The following SOX5 variants were observed in gnomAD, a reference collection of about 807,000 sequenced individuals.
SOX5 encodes the protein transcription factor SOX-5.
In SOX5, 9 loss-of-function variants were observed where a neutral mutation model predicts 92.0. That is an observed-to-expected ratio of 0.10 (90% CI 0.06 to 0.17). The LOEUF is 0.17. SOX5 is among the 10% of genes least tolerant of loss of function. The pLI is 1.00. For missense variants in SOX5, 642 were observed against 944.5 expected (o/e 0.68, Z 4.20); for synonymous variants, 344 against 336.3 (o/e 1.02, Z -0.25).
chr12:23,556,814 C>G (rs1255818128), intron 11 of SOX5, among the ~76,000 whole-genome samples: 1 of 152,194 alleles, frequency 6.6e-6, no homozygotes, highest in Non-Finnish European at 1.5e-5. Context: ...CACAGCCCTT[C>G]TCCTTATCTA....
chr12:24,119,324 T>C (rs1404344874), intron 4 of SOX5, among the ~76,000 whole-genome samples: 1 of 152,128 alleles, frequency 6.6e-6, no homozygotes, highest in Non-Finnish European at 1.5e-5. Context: ...TCATTAGCAC[T>C]ATTCTCACCA....
At chr12:24,111,977 A>G (rs1593263177) in intron 4 of SOX5, among the ~76,000 whole-genome samples, 1 of 152,340 alleles carries the variant, frequency 6.6e-6, no homozygotes, top group African/African-American at 2.4e-5. Context: ...TGGTGACAGA[A>G]TAACAGTGGT....
At chr12:24,276,997 G>A (rs1331656258) in intron 3 of SOX5, among the ~76,000 whole-genome samples, 19 of 152,034 alleles carry the variant, frequency 1.2e-4, no homozygotes, top group Admixed American at 1.2e-3. Flanking sequence ...TCATCTGCCA[G>A]TTTAGAGACA....
intron 1 of SOX5, among the ~76,000 whole-genome samples, chr12:23,945,778 A>T (rs1944490266): frequency 1.3e-5 from 2 of 152,176 alleles, no homozygotes; most frequent in African/African-American, 4.8e-5. Flanking sequence ...TGTGATTCAC[A>T]CCTAGAGTGT....
chr12:23,966,838 C>T (rs1226605826), intron 4 of SOX5, among the ~76,000 whole-genome samples: 2 of 152,094 alleles, frequency 1.3e-5, no homozygotes, highest in African/African-American at 4.8e-5. Context: ...TTATTAGAGC[C>T]AATAGTGTTG....
At chr12:24,466,157 G>A (rs1243312857) in intron 1 of SOX5, among the ~76,000 whole-genome samples, 1 of 152,056 alleles carries the variant, frequency 6.6e-6, no homozygotes, top group Non-Finnish European at 1.5e-5. Context: ...GTAATGAACA[G>A]ATCTGAGAAA....
At chr12:24,150,580 A>G (rs963262606) in intron 4 of SOX5, among the ~76,000 whole-genome samples, 2 of 152,160 alleles carry the variant, frequency 1.3e-5, no homozygotes, top group African/African-American at 4.8e-5. Flanking sequence ...AAAACGCCCA[A>G]CAGAACCGGC....
intron 6 of SOX5, among the ~76,000 whole-genome samples, chr12:23,707,282 C>T (rs2091505385): frequency 6.6e-6 from 1 of 152,122 alleles, no homozygotes; most frequent in Admixed American, 6.6e-5. Flanking sequence ...GTCATCCAAT[C>T]GTTAGCAGGT....
chr12:23,733,137 A>AT (rs2093453978), intron 6 of SOX5, among the ~76,000 whole-genome samples: 2 of 152,154 alleles, frequency 1.3e-5, no homozygotes, highest in African/African-American at 4.8e-5. Context: ...GTTGAAATCT[A>AT]TTTTTGCCAT....
At chr12:23,873,354 C>T (rs4963725) in intron 2 of SOX5, among the ~76,000 whole-genome samples, 30,664 of 151,834 alleles carry the variant, frequency 0.2, 3,869 homozygotes, top group East Asian at 0.57. Context: ...ACACCTGCAG[C>T]CCCAGCTACT....
chr12:24,336,894 T>C lies in SOX5; in HGVS notation c.-174+31669A>G, dbSNP rs373459579. ...GGGGCCCAGTTATTTCATAGTCAAATGCAAGTCTTTGGGCATTTTCTGAGC... is the reference window on the plus strand; with the variant it reads ...GGGGCCCAGTTATTTCATAGTCAAACGCAAGTCTTTGGGCATTTTCTGAGC... On this transcript the variant is annotated intron_variant, in intron 2 of 4. Coordinates refer to the SOX5 transcript ENST00000446891. Among the ~76,000 whole-genome samples, 52 of 152,348 alleles carry C rather than the reference T, an allele frequency of 3.4e-4. No homozygotes were observed. The South Asian group carries it at 7.5e-3, about 22-fold the overall frequency.
intron 3 of SOX5, among the ~76,000 whole-genome samples, chr12:23,822,513 T>C (rs2096140136): frequency 6.6e-6 from 1 of 152,176 alleles, no homozygotes; most frequent in Non-Finnish European, 1.5e-5. Flanking sequence ...ATTTTTTGCA[T>C]TTGCTGAGGA....
At chr12:23,650,195 T>C (rs909747667) in intron 7 of SOX5, among the ~76,000 whole-genome samples, 3 of 151,988 alleles carry the variant, frequency 2.0e-5, no homozygotes, top group African/African-American at 7.2e-5. Context: ...TAGAAGAGTG[T>C]AAAAGTTATT....
chr12:24,014,313 G>A (rs1385846092), intron 4 of SOX5, among the ~76,000 whole-genome samples: 2 of 152,048 alleles, frequency 1.3e-5, no homozygotes, highest in East Asian at 1.9e-4. Context: ...TATGCATGAC[G>A]GCATACCAAC....
intron 7 of SOX5, among the ~76,000 whole-genome samples, chr12:23,649,219 C>T (rs866690585): frequency 4.0e-4 from 61 of 151,906 alleles, no homozygotes; most frequent in African/African-American, 1.4e-3. Context: ...ATCTACAAAG[C>T]TTCACAAACA....
At chr12:24,225,826 A>T (rs2139858739) in intron 3 of SOX5, among the ~76,000 whole-genome samples, 1 of 152,366 alleles carries the variant, frequency 6.6e-6, no homozygotes, top group Admixed American at 6.5e-5. Flanking sequence ...GACTCAAATT[A>T]TAATTGTAAA....
intron 9 of SOX5, among the ~76,000 whole-genome samples, chr12:23,580,287 A>G (rs1320767952): frequency 6.6e-6 from 1 of 152,098 alleles, no homozygotes; most frequent in Non-Finnish European, 1.5e-5. Flanking sequence ...TTAAATTTAA[A>G]AAGGCACTGA....
At chr12:24,516,762 T>C (rs1436098072) in intron 1 of SOX5, among the ~76,000 whole-genome samples, 3 of 152,256 alleles carry the variant, frequency 2.0e-5, no homozygotes, top group Non-Finnish European at 4.4e-5. Context: ...TACATGGAAT[T>C]ATAAATCAGG....
upstream of SOX5, among the ~76,000 whole-genome samples, chr12:23,953,918 A>G (rs1014802976): frequency 2.0e-5 from 3 of 152,036 alleles, no homozygotes; most frequent in Non-Finnish European, 4.4e-5. Context: ...TGTTGTTTCC[A>G]TTGCAGATAT....
Sources: allele counts gnomAD v4.1 joint callset (sites outside exome capture counted in the v4.1 genomes callset), GRCh38; gene constraint gnomAD v4.1.1; transcripts MANE v1.5; gene names NCBI Gene and HGNC (gene_info 2026-07-23, HGNC 2026-07-21).